The following PTPRT variants were observed in gnomAD, a reference collection of about 807,000 sequenced individuals.
PTPRT encodes the protein receptor-type tyrosine-protein phosphatase T.
PTPRT carries 56 observed loss-of-function variants against 176.8 expected under a neutral mutation model. That is an observed-to-expected ratio of 0.32 (90% CI 0.26 to 0.40). PTPRT has a LOEUF of 0.40. Ranked by LOEUF, PTPRT falls within the 10% of genes least tolerant of loss-of-function variation. The pLI, the probability that PTPRT is intolerant of heterozygous loss-of-function variation, is 1.00. For synonymous variants in PTPRT, 783 were observed against 739.0 expected, an observed-to-expected ratio of 1.06 and a Z score of -0.96; for missense variants, 1,540 against 1,908.2, an observed-to-expected ratio of 0.81 and a Z score of 3.60.
At chr20:43,039,090 AG>A (rs1986502588) in intron 1 of PTPRT, among the ~76,000 whole-genome samples, 2 of 152,162 alleles carry the variant, frequency 1.3e-5, no homozygotes, top group South Asian at 4.1e-4. Flanking sequence ...ATTACTCTAA[AG>A]TTTTTCTGGG....
At chr20:42,300,756 GTATTAT>G (rs533576322) in intron 12 of PTPRT, among the ~76,000 whole-genome samples, 1,608 of 148,018 alleles carry the variant, frequency 0.011, 34 homozygotes, top group African/African-American at 0.038. Context: ...CTTTTTATTT[GTATTAT>G]TATTATTATT....
At chr20:42,335,821 C>T (rs2058032015) in intron 11 of PTPRT, among the ~76,000 whole-genome samples, 1 of 152,030 alleles carries the variant, frequency 6.6e-6, no homozygotes, top group Non-Finnish European at 1.5e-5. Context: ...ATTGTACATT[C>T]TATAACGAAT....
intron 6 of PTPRT, among the ~76,000 whole-genome samples, chr20:42,691,109 G>A (rs760813519): frequency 2.0e-5 from 3 of 152,184 alleles, no homozygotes; most frequent in Non-Finnish European, 1.5e-5. Context: ...TATCACGTTC[G>A]ATAAAATCAA....
rs11474990 is a variant in PTPRT, at chr20:43,070,968, T to TAA, written c.88+118676_88+118677dup. On this transcript the variant is annotated intron_variant, in intron 1 of 30. Coordinates refer to ENST00000373187, the MANE Select transcript of PTPRT (RefSeq NM_007050.6). ...TGTACCCTAGAACTTAAAGTATAAT[T>TAA]AAAAAAAAAAAAAAAAAAAGAACTG... is the stretch of plus-strand genomic sequence containing the variant. 2.8e-3 allele frequency among the ~76,000 whole-genome samples: 350 copies of TAA among 122,864 alleles called. 3 individuals carry two copies. The highest frequency in any genetic ancestry group is 6.8e-3 in the African/African-American group (217 of 32,058). The allele number at this position is 122,864 out of a possible 152,430, so 80.6% of individuals were successfully genotyped here.
At chr20:42,350,784 C>G in intron 10 of PTPRT, 54 bp from the exon 11 acceptor site, 1 of 1,291,294 alleles carries the variant, frequency 7.7e-7, no homozygotes, top group Non-Finnish European at 1.1e-6. Flanking sequence ...CCAACTGGCT[C>G]CCCACCGCCC....
chr20:42,426,229 A>AC (rs953739741), intron 9 of PTPRT, among the ~76,000 whole-genome samples: 2 of 151,946 alleles, frequency 1.3e-5, no homozygotes, highest in African/African-American at 4.8e-5. Flanking sequence ...CCTATCCTGT[A>AC]CCCATATAAA....
At chr20:42,738,395 C>T (rs2076567041) in intron 6 of PTPRT, among the ~76,000 whole-genome samples, 1 of 151,908 alleles carries the variant, frequency 6.6e-6, no homozygotes, top group South Asian at 2.1e-4. Flanking sequence ...GCCTGTAATC[C>T]CAGCTACTCG....
At chr20:43,024,508 T>C (rs1287730124) in intron 1 of PTPRT, among the ~76,000 whole-genome samples, 1 of 150,672 alleles carries the variant, frequency 6.6e-6, no homozygotes, top group East Asian at 2.0e-4. Context: ...GAGAATTGCT[T>C]GAACCTGGGA....
intron 18 of PTPRT, among the ~76,000 whole-genome samples, chr20:42,131,043 G>A (rs1988099731): frequency 6.6e-6 from 1 of 152,212 alleles, no homozygotes; most frequent in Non-Finnish European, 1.5e-5. Context: ...TACGCATCAT[G>A]TGTGTGGCAG....
At chr20:42,529,228 C>A (rs943712287) in intron 7 of PTPRT, among the ~76,000 whole-genome samples, 1 of 151,964 alleles carries the variant, frequency 6.6e-6, no homozygotes, top group Non-Finnish European at 1.5e-5. Context: ...TTTCTGAGTT[C>A]AAAAAGATGT....
At chr20:43,008,892 T>C (rs1032313903) in intron 1 of PTPRT, among the ~76,000 whole-genome samples, 1 of 152,132 alleles carries the variant, frequency 6.6e-6, no homozygotes, top group African/African-American at 2.4e-5. Flanking sequence ...TGTTCTGTGA[T>C]AGTCAGAGTG....
At chr20:42,243,437 TC>T (rs2056394536) in intron 14 of PTPRT, among the ~76,000 whole-genome samples, 1 of 152,178 alleles carries the variant, frequency 6.6e-6, no homozygotes, top group Non-Finnish European at 1.5e-5. Flanking sequence ...CACTGGATCT[TC>T]CTGGGGCAGG....
chr20:42,413,837 C>T (rs957452753), intron 9 of PTPRT, among the ~76,000 whole-genome samples: 6 of 152,214 alleles, frequency 3.9e-5, no homozygotes, highest in South Asian at 2.1e-4. Flanking sequence ...AACCATCACT[C>T]TCCACGAGAG....
intron 13 of PTPRT, among the ~76,000 whole-genome samples, chr20:42,281,249 CAG>C (rs2147051671): frequency 6.6e-6 from 1 of 152,246 alleles, no homozygotes; most frequent in Non-Finnish European, 1.5e-5. Context: ...CCTTGCCTCA[CAG>C]AGAGTATTTT....
chr20:42,167,231 C>T (rs959665314), intron 16 of PTPRT, among the ~76,000 whole-genome samples: 1 of 152,170 alleles, frequency 6.6e-6, no homozygotes, highest in Admixed American at 6.5e-5. Context: ...AGAATCCACA[C>T]ACTAGAGATG....
At chr20:42,270,978 C>A (rs1269324404) in intron 13 of PTPRT, among the ~76,000 whole-genome samples, 1 of 152,198 alleles carries the variant, frequency 6.6e-6, no homozygotes, top group African/African-American at 2.4e-5. Context: ...TTTGTTCAAG[C>A]CAACCTTGTG....
At chr20:42,169,791 C>CACAA (rs752547377) in intron 16 of PTPRT, among the ~76,000 whole-genome samples, 18 of 98,414 alleles carry the variant, frequency 1.8e-4, no homozygotes, top group African/African-American at 3.9e-4. Flanking sequence ...CACACACACA[C>CACAA]AACAGTCAGT....
chr20:42,692,408 T>C (rs1181856412), intron 6 of PTPRT, among the ~76,000 whole-genome samples: 1 of 152,202 alleles, frequency 6.6e-6, no homozygotes, highest in African/African-American at 2.4e-5. Context: ...AATCAATCAG[T>C]ATAACTCATC....
chr20:43,088,240 T>C (rs747327848), intron 1 of PTPRT, among the ~76,000 whole-genome samples: 9 of 152,094 alleles, frequency 5.9e-5, no homozygotes, highest in Non-Finnish European at 8.8e-5. Flanking sequence ...AATAATACCA[T>C]CTTAGTTCAA....
Sources: gnomAD v4.1 joint callset for allele counts (sites outside exome capture counted in the v4.1 genomes callset) on GRCh38, gnomAD v4.1.1 for gene constraint, MANE v1.5 for transcripts, NCBI Gene and HGNC (gene_info 2026-07-23, HGNC 2026-07-21) for gene names.